The following CEP95 variants were observed in gnomAD, a reference collection of about 807,000 sequenced individuals.
The protein encoded by CEP95 is centrosomal protein 95.
CEP95 carries 98 observed loss-of-function variants against 111.2 expected under a neutral mutation model. The observed-to-expected ratio is 0.88, with a 90% CI of 0.75 to 1.04. The LOEUF (loss-of-function observed/expected upper bound fraction) is 1.04, where lower values mean the gene tolerates loss of function less well. Among genes scored for constraint, CEP95 ranks in the 50% least tolerant of loss-of-function variants. CEP95 has a pLI of 0.00. For synonymous variants in CEP95, 323 were observed against 327.1 expected, an observed-to-expected ratio of 0.99 and a Z score of 0.14; for missense variants, 1,027 against 977.2, an observed-to-expected ratio of 1.05 and a Z score of -0.68.
intron 3 of CEP95, among the ~76,000 whole-genome samples, chr17:64,513,814 A>T (rs2039008782): frequency 6.6e-6 from 1 of 152,164 alleles, no homozygotes. Flanking sequence ...TCTTCTGAAC[A>T]AACCACCATT....
intron 10 of CEP95, 28 bp downstream of exon 10, chr17:64,526,228 A>C: frequency 6.3e-7 from 1 of 1,593,994 alleles, no homozygotes. Context: ...ATCTATATTG[A>C]GATTCCCATG....
intron 9 of CEP95, 51 bp from the exon 10 acceptor site, chr17:64,526,020 A>G (rs1056771332): frequency 1.3e-6 from 2 of 1,582,710 alleles, no homozygotes; most frequent in East Asian, 4.5e-5. Flanking sequence ...ATTTTAAACT[A>G]AATAATAGAC....
In CEP95 at chr17:64,537,784, A is replaced by G. The variant is rs781922964; in HGVS notation, c.*5A>G. ...AGTAAAAGTCCCTCCCTATGAGGCC[A>G]GACTTGATAATAGTAGGTGAAGGTT... On this transcript the variant is annotated 3_prime_UTR_variant, in exon 20 of 20. Transcript: ENST00000556440. 1.9e-6 allele frequency: 3 copies of G among 1,561,948 alleles called. No homozygotes were observed. Among genetic ancestry groups the G allele is most frequent in the Admixed American group, 1.9e-5 (1 of 53,422 alleles).
Position 64,511,495 on chromosome 17 carries a change from G to A in CEP95, c.256+1215G>A, listed in dbSNP as rs1420106679. Reference sequence around the variant, plus strand: ...AAGAAAAGAAATATGGCTCTGTTCCGCCCGGCTCACCAACGGACAGAGTTT... The same window carrying A: ...AAGAAAAGAAATATGGCTCTGTTCCACCCGGCTCACCAACGGACAGAGTTT... On this transcript the variant is annotated intron_variant, in intron 3 of 19. Transcript: ENST00000556440. 4.6e-5 allele frequency among the ~76,000 whole-genome samples: 7 copies of A among 152,126 alleles called. No homozygotes were observed. The East Asian group carries it at 1.2e-3, about 25-fold the overall frequency.
At chr17:64,511,420 T>C (rs2038887407) in intron 3 of CEP95, among the ~76,000 whole-genome samples, 1 of 152,228 alleles carries the variant, frequency 6.6e-6, no homozygotes, top group African/African-American at 2.4e-5. Context: ...CCCAGGGATG[T>C]TCCTTGCTGA....
At chr17:64,509,314 G>A (rs781951052) in intron 2 of CEP95, among the ~76,000 whole-genome samples, 5 of 152,230 alleles carry the variant, frequency 3.3e-5, no homozygotes, top group Non-Finnish European at 5.9e-5. Flanking sequence ...TTACAGGCAT[G>A]AGCCACCACG....
At chr17:64,507,591 C>T (rs2038629823) in intron 1 of CEP95, 1 of 1,012,564 alleles carries the variant, frequency 9.9e-7, no homozygotes, top group Non-Finnish European at 1.2e-6. Flanking sequence ...TCAGTGCCCT[C>T]TAGAGTCATG....
intron 12 of CEP95, among the ~76,000 whole-genome samples, chr17:64,530,483 G>A (rs1968186252): frequency 6.7e-6 from 1 of 149,354 alleles, no homozygotes; most frequent in Non-Finnish European, 1.5e-5. Context: ...AGGTATCCTA[G>A]GTGAATTTTT....
intron 3 of CEP95, among the ~76,000 whole-genome samples, chr17:64,513,537 G>A (rs1421462355): frequency 6.6e-6 from 1 of 152,156 alleles, no homozygotes; most frequent in Non-Finnish European, 1.5e-5. Context: ...ATGAGTGTAA[G>A]TTATGAATAT....
chr17:64,508,388 G>A (rs916143665), intron 1 of CEP95: 2 of 984,272 alleles, frequency 2.0e-6, no homozygotes, highest in African/African-American at 3.5e-5. Flanking sequence ...ACAGCACTCT[G>A]GAAATCATCC....
intron 16 of CEP95, 25 bp downstream of exon 16, chr17:64,533,216 T>A (rs1555680825): frequency 6.4e-7 from 1 of 1,553,164 alleles, no homozygotes; most frequent in African/African-American, 1.4e-5. Context: ...AGTTGGGTAT[T>A]ATAATTCTGA....
intron 3 of CEP95, among the ~76,000 whole-genome samples, chr17:64,511,188 G>A (rs2038872394): frequency 6.6e-6 from 1 of 152,190 alleles, no homozygotes; most frequent in South Asian, 2.1e-4. Flanking sequence ...TGCTAATGAA[G>A]TTTTGGGCAC....
chr17:64,507,565 T>C (rs1407261300), intron 1 of CEP95: 3 of 1,033,378 alleles, frequency 2.9e-6, no homozygotes, highest in Non-Finnish European at 3.5e-6. Flanking sequence ...TGTAGAATAG[T>C]TGTGCTTTTT....
At chr17:64,508,822 T>C (rs2038728859) in intron 2 of CEP95, 102 bp downstream of exon 2, 1 of 408,388 alleles carries the variant, frequency 2.4e-6, no homozygotes. Context: ...TCATTTTCTC[T>C]TTGCTTGTTT....
chr17:64,512,807 C>T (rs1214236152), intron 3 of CEP95, among the ~76,000 whole-genome samples: 1 of 152,106 alleles, frequency 6.6e-6, no homozygotes, highest in Non-Finnish European at 1.5e-5. Flanking sequence ...CATAGTTTCC[C>T]TCTTTTTTTT....
intron 1 of CEP95, chr17:64,508,377 T>G: frequency 1.0e-6 from 1 of 984,908 alleles, no homozygotes; most frequent in Non-Finnish European, 1.2e-6. Flanking sequence ...ATGTAGAAAT[T>G]ACAGCACTCT....
In CEP95 at chr17:64,535,369, T is replaced by C. The variant is rs200656813; in HGVS notation, c.2070+632T>C. 33 of 156,070 alleles carry C rather than the reference T, an allele frequency of 2.1e-4. No individual in the cohort carries two copies. In the East Asian group the frequency reaches 5.1e-3, roughly 24 times the overall value. 9.7% of individuals were successfully genotyped at this position (156,070 alleles called of 1,614,324 possible). A position where few individuals can be genotyped will look rare whatever the true frequency, so the allele number is the denominator to read the frequency against. ...CTGATGAAGGGAGGACAAGTGCGCA[T>C]ATCCAAGCCCTTTGAGCAGTGTGTT... On this transcript the variant is annotated intron_variant, in intron 17 of 19. Coordinates refer to ENST00000556440, the MANE Select transcript of CEP95 (RefSeq NM_138363.3).
chr17:64,525,468 A>T (rs562538384), intron 8 of CEP95, among the ~76,000 whole-genome samples: 3 of 152,256 alleles, frequency 2.0e-5, no homozygotes, highest in East Asian at 1.9e-4. Flanking sequence ...ACTAGTGATA[A>T]TTTTTTTGTT....
Position 64,531,913 on chromosome 17 carries a change from T to G in CEP95, c.1563T>G (p.Ala521=). Reference sequence around the variant, plus strand: ...AGGAAAAAATATACAGAGGAGAAGCTGTTCGTAAAGGAACTCCAGAATGTA... The same window carrying G: ...AGGAAAAAATATACAGAGGAGAAGCGGTTCGTAAAGGAACTCCAGAATGTA... ...EETEKIYRGE[A]VRKGTPECSQ... Residue 521 remains alanine (A), a synonymous_variant, in exon 14 of 20, where the codon GCT becomes GCG. Transcript: ENST00000556440. The G allele has an allele frequency of 6.3e-7, 1 of 1,597,512 alleles. No individual in the cohort carries two copies. The highest frequency in any genetic ancestry group is 8.5e-7 in the Non-Finnish European group (1 of 1,173,928).
Sources: allele counts gnomAD v4.1 joint callset (sites outside exome capture counted in the v4.1 genomes callset), GRCh38; gene constraint gnomAD v4.1.1; transcripts MANE v1.5; gene names NCBI Gene and HGNC (gene_info 2026-07-23, HGNC 2026-07-21).